CRYBG1: variants seen among roughly 807,000 people sequenced by gnomAD.
CRYBG1 encodes beta/gamma crystallin domain-containing protein 1.
CRYBG1 carries 139 observed loss-of-function variants against 189.2 expected under a neutral mutation model. The ratio of observed to expected loss-of-function variants is 0.73; its 90% CI spans 0.64 to 0.85. CRYBG1 has a LOEUF of 0.85. Ranked by LOEUF, CRYBG1 falls within the 40% of genes least tolerant of loss-of-function variation. The pLI is 0.00. For synonymous variants in CRYBG1, 1,023 were observed against 1,017.1 expected, an observed-to-expected ratio of 1.01 and a Z score of -0.11; for missense variants, 2,611 against 2,675.8, an observed-to-expected ratio of 0.98 and a Z score of 0.53.
At chr6:106,379,452 G>A (rs1016241811) in intron 1 of CRYBG1, among the ~76,000 whole-genome samples, 3 of 150,094 alleles carry the variant, frequency 2.0e-5, no homozygotes, top group African/African-American at 4.9e-5. Context: ...TAGTAGAGAC[G>A]GGGTTTCACC....
At chr6:106,547,340 G>A (rs758977214) in intron 13 of CRYBG1, among the ~76,000 whole-genome samples, 5 of 152,204 alleles carry the variant, frequency 3.3e-5, no homozygotes, top group African/African-American at 4.8e-5. Flanking sequence ...GCAAAGCATT[G>A]TATTATGTCC....
chr6:106,423,743 T>TCACCAAA (rs1021436594), intron 1 of CRYBG1, among the ~76,000 whole-genome samples: 15 of 119,930 alleles, frequency 1.3e-4, no homozygotes, highest in Non-Finnish European at 2.1e-4. Flanking sequence ...TCTCACACTG[T>TCACCAAA]CACCAAAGCT....
intron 8 of CRYBG1, among the ~76,000 whole-genome samples, chr6:106,538,778 C>T (rs975405600): frequency 6.6e-6 from 1 of 151,938 alleles, no homozygotes; most frequent in Non-Finnish European, 1.5e-5. Flanking sequence ...TGCCTGTACT[C>T]CCAGCTACTT....
intron 1 of CRYBG1, among the ~76,000 whole-genome samples, chr6:106,385,976 TA>T (rs1198133428): frequency 1.3e-5 from 2 of 152,134 alleles, no homozygotes; most frequent in Non-Finnish European, 2.9e-5. Flanking sequence ...GTGTTCACAT[TA>T]AAACAAAACA....
intron 1 of CRYBG1, among the ~76,000 whole-genome samples, chr6:106,418,415 A>T (rs749890011): frequency 2.0e-5 from 3 of 152,188 alleles, no homozygotes; most frequent in Non-Finnish European, 4.4e-5. Context: ...TTTGGCTTGA[A>T]GGTGGGGTTT....
At chr6:106,384,118 G>A (rs931682464) in intron 1 of CRYBG1, among the ~76,000 whole-genome samples, 5 of 152,192 alleles carry the variant, frequency 3.3e-5, no homozygotes, top group African/African-American at 1.2e-4. Flanking sequence ...ACTGCTGATG[G>A]TGTGAGGTCA....
chr6:106,459,341 TA>T (rs1156887786), intron 2 of CRYBG1, among the ~76,000 whole-genome samples: 1 of 152,192 alleles, frequency 6.6e-6, no homozygotes, highest in Non-Finnish European at 1.5e-5. Flanking sequence ...GGTGTTTTTT[TA>T]AGAAGAGCAT....
chr6:106,483,048 C>T (rs1207821949), intron 2 of CRYBG1, among the ~76,000 whole-genome samples: 5 of 152,120 alleles, frequency 3.3e-5, no homozygotes, highest in Non-Finnish European at 7.4e-5. Context: ...TTACTGTTAA[C>T]ATCACCTTAC....
chr6:106,459,851 C>T (rs1202873086), intron 2 of CRYBG1, among the ~76,000 whole-genome samples: 2 of 152,010 alleles, frequency 1.3e-5, no homozygotes, highest in East Asian at 1.9e-4. Flanking sequence ...TCAAATTGTC[C>T]GTTGAAAAAG....
In CRYBG1 at chr6:106,519,306, G is replaced by A. The variant is rs773605478; in HGVS notation, c.2098G>A (p.Gly700Ser). The A allele has an allele frequency of 1.2e-6, 2 of 1,613,928 alleles. No individual in the cohort carries two copies. Among genetic ancestry groups the A allele is most frequent in the African/African-American group, 1.3e-5 (1 of 74,872 alleles). The stretch of plus-strand genomic sequence containing the variant: ...TAGCCCAAGACACACTGACATTCGA[G>A]GCCAAAGGAATACTCCTGCCTCTAG... ...NSSPRHTDIRGQRNTPASSKT... is the reference protein window; with the variant it reads ...NSSPRHTDIRSQRNTPASSKT... Residue 700 changes from glycine (G) to serine (S), a missense_variant, in exon 4 of 22, where the codon GGC becomes AGC. Physicochemically the swap from Gly to Ser is moderately conservative, Grantham distance 56 (BLOSUM62 0). Around this residue, in one of 3 missense-constraint regions of CRYBG1, gnomAD observed 1,622 missense variants for 1,735.0 expected, o/e 0.93. Transcript: ENST00000633556.
intron 2 of CRYBG1, among the ~76,000 whole-genome samples, chr6:106,467,341 A>G (rs928751154): frequency 8.6e-5 from 13 of 151,850 alleles, no homozygotes; most frequent in African/African-American, 3.1e-4. Context: ...ATGTAGTGGT[A>G]TGTACCTATG....
chr6:106,441,718 A>T (rs1205813258), intron 1 of CRYBG1, among the ~76,000 whole-genome samples: 23 of 152,218 alleles, frequency 1.5e-4, no homozygotes, highest in Admixed American at 1.5e-3. Context: ...CAAAGATATG[A>T]TTCAGACAAT....
chr6:106,475,871 G>A (rs1772323942), intron 2 of CRYBG1, among the ~76,000 whole-genome samples: 1 of 152,160 alleles, frequency 6.6e-6, no homozygotes, highest in African/African-American at 2.4e-5. Flanking sequence ...ATTTTAAAGA[G>A]ATACACGTTT....
At chr6:106,363,797 C>A (rs1319277423) in intron 1 of CRYBG1, among the ~76,000 whole-genome samples, 2 of 152,076 alleles carry the variant, frequency 1.3e-5, no homozygotes, top group African/African-American at 4.8e-5. Context: ...AATATGGAGA[C>A]AATAGGATGC....
chr6:106,462,363 G>T (rs1412428251), intron 2 of CRYBG1, among the ~76,000 whole-genome samples: 2 of 152,112 alleles, frequency 1.3e-5, no homozygotes, highest in Admixed American at 1.3e-4. Flanking sequence ...GTAGAGACAG[G>T]GTTTACGCCG....
intron 1 of CRYBG1, among the ~76,000 whole-genome samples, chr6:106,411,927 C>T (rs559224869): frequency 3.9e-5 from 6 of 152,210 alleles, no homozygotes; most frequent in Non-Finnish European, 7.3e-5. Flanking sequence ...CAGCAAGCTG[C>T]TTCTCCCTCT....
Position 106,552,047 on chromosome 6 carries a change from T to C in CRYBG1, c.5439+69T>C, listed in dbSNP as rs1454466380. On this transcript the variant is annotated intron_variant, in intron 14 of 21. Transcript: ENST00000633556. ...GGATTTCCTTAATGTGTGTTCCTGG[T>C]TCATGTAATAGTAATTGCTATGGAA... 9 of 1,475,488 alleles carry C rather than the reference T, an allele frequency of 6.1e-6. No homozygotes were observed. The East Asian group carries it at 2.0e-4, about 33-fold the overall frequency. 91.4% of individuals were successfully genotyped at this position (1,475,488 alleles called of 1,614,324 possible). A position where few individuals can be genotyped will look rare whatever the true frequency, so the allele number is the denominator to read the frequency against.
At chr6:106,365,078 T>G (rs140322735) in intron 1 of CRYBG1, among the ~76,000 whole-genome samples, 1 of 152,322 alleles carries the variant, frequency 6.6e-6, no homozygotes, top group African/African-American at 2.4e-5. Flanking sequence ...TTTTTATCTA[T>G]TCAAGCCACT....
intron 1 of CRYBG1, among the ~76,000 whole-genome samples, chr6:106,364,408 T>G (rs1173324930): frequency 2.0e-5 from 3 of 152,228 alleles, no homozygotes; most frequent in African/African-American, 7.2e-5. Context: ...TTTCGTATTC[T>G]GCAAATATTT....
Sources: gnomAD v4.1 joint callset for allele counts (sites outside exome capture counted in the v4.1 genomes callset) on GRCh38, gnomAD v4.1.1 for gene constraint, gnomAD v4.1.1 regional missense constraint, MANE v1.5 for transcripts, NCBI Gene and HGNC (gene_info 2026-07-23, HGNC 2026-07-21) for gene names.